The following ELF1 variants were observed in gnomAD, a reference collection of about 807,000 sequenced individuals.
ELF1 encodes ETS-related transcription factor Elf-1.
A neutral mutation model predicts 59.9 loss-of-function variants in ELF1; 24 were observed. The observed-to-expected ratio is 0.40, with a 90% CI of 0.29 to 0.56. The LOEUF is 0.56. Among genes scored for constraint, ELF1 ranks in the 20% least tolerant of loss-of-function variants. ELF1 has a pLI of 0.44. For missense variants in ELF1, 627 were observed against 742.2 expected, an observed-to-expected ratio of 0.84 and a Z score of 1.80; for synonymous variants, 248 against 266.2, an observed-to-expected ratio of 0.93 and a Z score of 0.67.
intron 3 of ELF1, among the ~76,000 whole-genome samples, chr13:40,952,601 C>T (rs1870925869): frequency 6.6e-6 from 1 of 152,078 alleles, no homozygotes; most frequent in African/African-American, 2.4e-5. Flanking sequence ...GCCTGAATTC[C>T]TCAAGCCAGG....
At chr13:41,053,081 CTG>C (rs1877147462) in intron 1 of ELF1, among the ~76,000 whole-genome samples, 1 of 151,946 alleles carries the variant, frequency 6.6e-6, no homozygotes, top group African/African-American at 2.4e-5. Flanking sequence ...TCACCAGGCA[CTG>C]TGGCTCACGC....
chr13:40,967,779 T>C (rs1274953983), intron 2 of ELF1, among the ~76,000 whole-genome samples: 1 of 151,574 alleles, frequency 6.6e-6, no homozygotes, highest in African/African-American at 2.4e-5. Flanking sequence ...TTTGTAGAGA[T>C]GAGGTCTCTC....
intron 1 of ELF1, among the ~76,000 whole-genome samples, chr13:41,048,222 T>C (rs2138430413): frequency 6.6e-6 from 1 of 152,350 alleles, no homozygotes; most frequent in Admixed American, 6.5e-5. Flanking sequence ...CCCTTGCGCT[T>C]CCAGGTGAGG....
rs369345549 is a variant in ELF1, at chr13:41,051,263, C to T, written c.-229+9575G>A. Among the ~76,000 whole-genome samples the T allele has an allele frequency of 9.9e-5, 15 of 151,904 alleles. 1 individual carries two copies. The highest frequency in any genetic ancestry group is 5.9e-4 in the East Asian group (3 of 5,126). On this transcript the variant is annotated intron_variant, in intron 1 of 1. Coordinates refer to the ELF1 transcript ENST00000405737. ...GGCATTCCCACTCATATCTGAAATT[C>T]TCTGATGCCACCTGCCTGCTTGGAG...
At chr13:41,004,158 A>G (rs966752061) in intron 1 of ELF1, among the ~76,000 whole-genome samples, 2 of 152,182 alleles carry the variant, frequency 1.3e-5, no homozygotes, top group Non-Finnish European at 2.9e-5. Flanking sequence ...TTCAACATCT[A>G]AAAAGAAACA....
intron 1 of ELF1, among the ~76,000 whole-genome samples, chr13:41,006,521 C>G (rs895502435): frequency 1.3e-5 from 2 of 152,130 alleles, no homozygotes; most frequent in Non-Finnish European, 2.9e-5. Flanking sequence ...ACCCAACAAT[C>G]AAACACAGTT....
At chr13:41,051,934 CTTT>C (rs757348738) in intron 1 of ELF1, among the ~76,000 whole-genome samples, 2 of 127,232 alleles carry the variant, frequency 1.6e-5, no homozygotes, top group East Asian at 2.3e-4. Flanking sequence ...TTCTTTTTCT[CTTT>C]TTTTTTTTTT....
At chr13:40,983,307 A>G (rs1873382658) in intron 1 of ELF1, among the ~76,000 whole-genome samples, 1 of 152,338 alleles carries the variant, frequency 6.6e-6, no homozygotes, top group Admixed American at 6.5e-5. Context: ...GATGGCCAGT[A>G]ATTTCCTAAT....
Position 40,933,268 on chromosome 13 carries a change from A to T in ELF1, c.*157T>A. On this transcript the variant is annotated 3_prime_UTR_variant, in exon 9 of 9. Coordinates refer to ENST00000239882, the MANE Select transcript of ELF1 (RefSeq NM_172373.4). ...TTTAGATAACAAAGAGAAACAGTTG[A>T]GTTTTCCTCCCTCATCTAACAAAGT... is the stretch of plus-strand genomic sequence containing the variant. 1 of 902,910 alleles carries T rather than the reference A, an allele frequency of 1.1e-6. No homozygotes were observed. Among genetic ancestry groups the T allele is most frequent in the Non-Finnish European group, 1.6e-6 (1 of 623,924 alleles). 55.9% of individuals were successfully genotyped at this position (902,910 alleles called of 1,614,324 possible).
At chr13:40,967,230 C>T (rs1486537564) in intron 2 of ELF1, among the ~76,000 whole-genome samples, 3 of 152,186 alleles carry the variant, frequency 2.0e-5, no homozygotes, top group Non-Finnish European at 4.4e-5. Flanking sequence ...TATTACAACA[C>T]GATCTGACAG....
chr13:40,993,524 A>G lies in ELF1; in HGVS notation c.-228-11242T>C, dbSNP rs560513244. On this transcript the variant is annotated intron_variant, in intron 1 of 8. Coordinates refer to ENST00000239882, the MANE Select transcript of ELF1 (RefSeq NM_172373.4). ...TAGAGACAGGGTCTCGTTGTTGCCCAGGCTGGAGGGCAGTGGCATGATCCT... is the reference window on the plus strand; with the variant it reads ...TAGAGACAGGGTCTCGTTGTTGCCCGGGCTGGAGGGCAGTGGCATGATCCT... Among the ~76,000 whole-genome samples, 9 of 152,280 alleles carry G rather than the reference A, an allele frequency of 5.9e-5. 1 individual carries two copies. The South Asian group carries it at 1.9e-3, about 32-fold the overall frequency.
Position 40,961,025 on chromosome 13 carries a change from C to G in ELF1, c.73-2009G>C, listed in dbSNP as rs571883648. ...CCTGCTCATAGATAATAATGCCAGG[C>G]ACCTTGCTATTTTCCTTAAGTAAGT... On this transcript the variant is annotated intron_variant, in intron 2 of 8. Coordinates refer to ENST00000239882, the MANE Select transcript of ELF1 (RefSeq NM_172373.4). 2.0e-5 allele frequency among the ~76,000 whole-genome samples: 3 copies of G among 152,284 alleles called. No homozygotes were observed. In the South Asian group the frequency reaches 6.2e-4, roughly 32 times the overall value.
At chr13:40,994,241 C>G (rs1407815129) in intron 1 of ELF1, among the ~76,000 whole-genome samples, 2 of 152,194 alleles carry the variant, frequency 1.3e-5, no homozygotes, top group Non-Finnish European at 2.9e-5. Flanking sequence ...TTATAGCACC[C>G]TGCAGAACAG....
intron 1 of ELF1, among the ~76,000 whole-genome samples, chr13:41,053,742 A>G (rs574757491): frequency 6.6e-6 from 1 of 152,358 alleles, no homozygotes; most frequent in South Asian, 2.1e-4. Flanking sequence ...AGTTGCAGTG[A>G]GCAAATAAGT....
intron 2 of ELF1, among the ~76,000 whole-genome samples, chr13:40,971,668 T>G (rs986583536): frequency 6.6e-6 from 1 of 152,230 alleles, no homozygotes; most frequent in Non-Finnish European, 1.5e-5. Flanking sequence ...TGTTTGAAAT[T>G]CCATTGCAAA....
At chr13:41,002,584 TAAAAA>T (rs749504259) in intron 1 of ELF1, among the ~76,000 whole-genome samples, 1 of 117,068 alleles carries the variant, frequency 8.5e-6, no homozygotes, top group African/African-American at 3.2e-5. Context: ...GACCTTACCT[TAAAAA>T]AAAAAAAAAA....
chr13:41,045,150 T>C (rs1004568055), intron 1 of ELF1, among the ~76,000 whole-genome samples: 4 of 152,176 alleles, frequency 2.6e-5, no homozygotes, highest in Admixed American at 1.3e-4. Flanking sequence ...ATCCCCTTTA[T>C]CATTTTTTAT....
chr13:40,935,910 T>C (rs188053690), intron 8 of ELF1, among the ~76,000 whole-genome samples: 103 of 152,106 alleles, frequency 6.8e-4, no homozygotes, highest in Admixed American at 4.5e-3. Context: ...CCTGACATCA[T>C]TGGCATCACG....
chr13:41,046,931 G>A (rs186398171), intron 1 of ELF1, among the ~76,000 whole-genome samples: 10 of 152,280 alleles, frequency 6.6e-5, no homozygotes, highest in East Asian at 5.8e-4. Flanking sequence ...CCAATGAGAC[G>A]CAGATTTGGT....
Sources: gnomAD v4.1 joint callset for allele counts (sites outside exome capture counted in the v4.1 genomes callset) on GRCh38, gnomAD v4.1.1 for gene constraint, MANE v1.5 for transcripts, NCBI Gene and HGNC (gene_info 2026-07-23, HGNC 2026-07-21) for gene names.